Variants in TRPM6 observed in about 807,000 individuals in gnomAD.
TRPM6 encodes channel kinase 2.
Under a neutral mutation model 247.6 loss-of-function variants are expected in TRPM6, and 111 were observed. The ratio of observed to expected loss-of-function variants is 0.45; its 90% CI spans 0.38 to 0.52. TRPM6 has a LOEUF of 0.52. Ranked by LOEUF, TRPM6 falls within the 20% of genes least tolerant of loss-of-function variation. The probability of loss-of-function intolerance (pLI) is 0.00; values close to 1 mark genes in which losing one functional copy is unlikely to be tolerated. For missense variants in TRPM6, 2,126 were observed against 2,421.5 expected (o/e 0.88, Z 2.56); for synonymous variants, 892 against 853.8 (o/e 1.04, Z -0.78).
chr9:74,761,848 A>T (rs755375567), intron 26 of TRPM6, 40 bp from the exon 27 acceptor site: 3 of 1,528,236 alleles, frequency 2.0e-6, no homozygotes, highest in South Asian at 2.2e-5. Flanking sequence ...TGACAACAGT[A>T]AGTGGGGAAC....
chr9:74,842,662 T>A (rs1829982145), intron 3 of TRPM6, among the ~76,000 whole-genome samples: 1 of 152,220 alleles, frequency 6.6e-6, no homozygotes, highest in African/African-American at 2.4e-5. Context: ...CACAAATAGT[T>A]TGGTTTCCTA....
chr9:74,856,758 AAAG>A (rs1374722763), intron 2 of TRPM6, among the ~76,000 whole-genome samples: 1 of 152,190 alleles, frequency 6.6e-6, no homozygotes, highest in African/African-American at 2.4e-5. Context: ...GATATTTTAA[AAAG>A]TGAATTATCA....
intron 1 of TRPM6, among the ~76,000 whole-genome samples, chr9:74,884,843 T>G (rs921129672): frequency 2.6e-5 from 4 of 152,170 alleles, no homozygotes; most frequent in East Asian, 1.9e-4. Flanking sequence ...TCCATCAAAA[T>G]GATAGAAGAA....
chr9:74,762,353 GA>G lies in TRPM6; in HGVS notation c.4317del (p.Leu1440PhefsTer14). 6.2e-7 allele frequency: 1 copy of G among 1,614,232 alleles called. No homozygotes were observed. Among genetic ancestry groups the G allele is most frequent in the Non-Finnish European group, 8.5e-7 (1 of 1,180,046 alleles). ...CTPEPMTMSS[P>X]LSQAKIMQTG... is the part of the protein sequence containing the mutation. ...GTTTGCATGATCTTGGCTTGGGAAA[GA>G]GGGGAGCTCATTGTCATGGGTTCAG... On this transcript the variant is annotated frameshift_variant, in exon 26 of 39. Transcript: ENST00000360774. LOFTEE classifies it high-confidence loss of function.
At chr9:74,825,733 A>G (rs1196545154) in intron 7 of TRPM6, among the ~76,000 whole-genome samples, 1 of 152,180 alleles carries the variant, frequency 6.6e-6, no homozygotes, top group Non-Finnish European at 1.5e-5. Context: ...CATACCTCCC[A>G]TGGAGCATAC....
intron 23 of TRPM6, among the ~76,000 whole-genome samples, chr9:74,778,180 G>T (rs1370524162): frequency 6.6e-6 from 1 of 152,114 alleles, no homozygotes; most frequent in Non-Finnish European, 1.5e-5. Flanking sequence ...CATCTGAAAG[G>T]GCACCCCCAC....
chr9:74,748,090 T>C (rs1379594047), intron 30 of TRPM6, among the ~76,000 whole-genome samples, 176 bp from the exon 31 acceptor site: 1 of 152,194 alleles, frequency 6.6e-6, no homozygotes, highest in Non-Finnish European at 1.5e-5. Context: ...ACAGACAGCA[T>C]ATATTACAAT....
chr9:74,869,311 A>G (rs1830952495), intron 1 of TRPM6, among the ~76,000 whole-genome samples: 1 of 152,056 alleles, frequency 6.6e-6, no homozygotes, highest in African/African-American at 2.4e-5. Context: ...ACTACTAAAA[A>G]TACAAAAAAT....
intron 27 of TRPM6, 76 bp from the exon 28 acceptor site, chr9:74,755,549 A>G: frequency 6.4e-7 from 1 of 1,574,484 alleles, no homozygotes; most frequent in African/African-American, 1.3e-5. Context: ...CAGAAGCACC[A>G]TGGTGAAGGG....
intron 25 of TRPM6, among the ~76,000 whole-genome samples, chr9:74,769,860 G>A (rs1826969792): frequency 6.6e-6 from 1 of 151,772 alleles, no homozygotes; most frequent in Non-Finnish European, 1.5e-5. Flanking sequence ...TAACTAGTAA[G>A]TGCCTAAAGC....
chr9:74,816,296 G>A (rs1467458333), intron 11 of TRPM6, among the ~76,000 whole-genome samples: 4 of 152,094 alleles, frequency 2.6e-5, no homozygotes, highest in African/African-American at 4.8e-5. Context: ...CTGACCCCAG[G>A]AGTTAAAGGT....
chr9:74,791,531 A>C (rs956827454), intron 19 of TRPM6, among the ~76,000 whole-genome samples: 7 of 152,224 alleles, frequency 4.6e-5, no homozygotes, highest in African/African-American at 7.2e-5. Context: ...AATTCTATGA[A>C]ATAAATGTGA....
Position 74,723,074 on chromosome 9 carries a change from T to G in TRPM6, c.*1539A>C, listed in dbSNP as rs1341971351. 6.6e-6 allele frequency: 1 copy of G among 152,068 alleles called. No homozygotes were observed. Among genetic ancestry groups the G allele is most frequent in the African/African-American group, 2.4e-5 (1 of 41,402 alleles). 9.4% of individuals were successfully genotyped at this position (152,068 alleles called of 1,614,324 possible). A position where few individuals can be genotyped will look rare whatever the true frequency, so the allele number is the denominator to read the frequency against. On this transcript the variant is annotated 3_prime_UTR_variant, in exon 39 of 39. Coordinates refer to ENST00000360774, the MANE Select transcript of TRPM6 (RefSeq NM_017662.5). ...GGACTCCCAGCCCCACATCTCTCCT[T>G]GTGTGAAAAGCTGGTGCTTGTTCGA...
chr9:74,849,453 G>A lies in TRPM6; in HGVS notation c.152+6074C>T, dbSNP rs999171233. Among the ~76,000 whole-genome samples the A allele has an allele frequency of 2.6e-5, 4 of 151,934 alleles. No homozygotes were observed. In the East Asian group the frequency reaches 7.7e-4, roughly 29 times the overall value. Reference sequence around the variant, plus strand: ...TAGAAGAAGGAGAGATCCCCAGGATGTGTGCACACAGAGAAAAACCATCTG... The same window carrying A: ...TAGAAGAAGGAGAGATCCCCAGGATATGTGCACACAGAGAAAAACCATCTG... On this transcript the variant is annotated intron_variant, in intron 3 of 38. Coordinates refer to ENST00000360774, the MANE Select transcript of TRPM6 (RefSeq NM_017662.5).
At chr9:74,809,940 T>C (rs1227542067) in intron 13 of TRPM6, among the ~76,000 whole-genome samples, 1 of 134,992 alleles carries the variant, frequency 7.4e-6, no homozygotes, top group African/African-American at 2.8e-5. Flanking sequence ...GATCCCATCA[T>C]TGCACTCCAG....
intron 3 of TRPM6, among the ~76,000 whole-genome samples, chr9:74,852,519 T>C (rs984066672): frequency 3.3e-5 from 5 of 150,546 alleles, no homozygotes; most frequent in Non-Finnish European, 5.9e-5. Context: ...TCCCCCTCTC[T>C]CCACGGTCTC....
At chr9:74,769,894 G>A (rs1826971532) in intron 25 of TRPM6, among the ~76,000 whole-genome samples, 1 of 152,144 alleles carries the variant, frequency 6.6e-6, no homozygotes, top group Non-Finnish European at 1.5e-5. Context: ...AGCTCCGTAA[G>A]CTCCTAATAC....
chr9:74,782,538 A>T lies in TRPM6; in HGVS notation c.3095-62T>A, dbSNP rs562348268. 8 of 1,472,790 alleles carry T rather than the reference A, an allele frequency of 5.4e-6. No homozygotes were observed. In the South Asian group the frequency reaches 9.2e-5, roughly 17 times the overall value. 91.2% of individuals were successfully genotyped at this position (1,472,790 alleles called of 1,614,324 possible). ...ATGAATCACAGTCCTGCCACTCTAG[A>T]CACACATTTAGCACATTAACTGCAC... On this transcript the variant is annotated intron_variant, in intron 22 of 38. Coordinates refer to ENST00000360774, the MANE Select transcript of TRPM6 (RefSeq NM_017662.5).
At chr9:74,839,048 C>T (rs1023611254) in intron 5 of TRPM6, among the ~76,000 whole-genome samples, 6 of 149,106 alleles carry the variant, frequency 4.0e-5, no homozygotes, top group South Asian at 4.2e-4. Flanking sequence ...AGGCGGAGAT[C>T]GCAGTGAGCC....
Sources: allele counts gnomAD v4.1 joint callset (sites outside exome capture counted in the v4.1 genomes callset), GRCh38; gene constraint gnomAD v4.1.1; transcripts MANE v1.5; gene names NCBI Gene and HGNC (gene_info 2026-07-23, HGNC 2026-07-21).